The following XKR4 variants were observed in gnomAD, a reference collection of about 807,000 sequenced individuals.
XKR4 encodes XK-related protein 4.
Under a neutral mutation model 53.9 loss-of-function variants are expected in XKR4, and 12 were observed. The ratio of observed to expected loss-of-function variants is 0.22; its 90% CI spans 0.14 to 0.36. The LOEUF is 0.36. Among genes scored for constraint, XKR4 ranks in the 10% least tolerant of loss-of-function variants. The pLI is 1.00. For missense variants in XKR4, 799 were observed against 859.5 expected, an observed-to-expected ratio of 0.93 and a Z score of 0.88; for synonymous variants, 354 against 362.4, an observed-to-expected ratio of 0.98 and a Z score of 0.26.
intron 2 of XKR4, among the ~76,000 whole-genome samples, chr8:55,420,105 C>CT (rs35713155): frequency 0.021 from 3,229 of 151,308 alleles, 61 homozygotes; most frequent in Non-Finnish European, 0.035. Context: ...GTGGTTTGGG[C>CT]TTTTTTTTTA....
At chr8:55,317,850 G>A (rs1409968971) in intron 1 of XKR4, among the ~76,000 whole-genome samples, 2 of 152,216 alleles carry the variant, frequency 1.3e-5, no homozygotes, top group African/African-American at 4.8e-5. Flanking sequence ...AACATCAGGG[G>A]CTGAGACTCA....
At chr8:55,192,577 G>A (rs897418084) in intron 1 of XKR4, among the ~76,000 whole-genome samples, 3 of 152,158 alleles carry the variant, frequency 2.0e-5, no homozygotes, top group Non-Finnish European at 2.9e-5. Context: ...CAGGAGACTC[G>A]GGTTATTGAG....
chr8:55,459,150 A>G (rs188151626), intron 2 of XKR4, among the ~76,000 whole-genome samples: 51 of 152,366 alleles, frequency 3.3e-4, no homozygotes, highest in African/African-American at 1.2e-3. Flanking sequence ...GAGTTTTAAC[A>G]AAGAGGCCAA....
chr8:55,125,316 C>T (rs1391220426), intron 1 of XKR4, among the ~76,000 whole-genome samples: 3 of 107,512 alleles, frequency 2.8e-5, no homozygotes, highest in East Asian at 2.9e-4. Context: ...CCGCAAACTC[C>T]GCCTCCTGGG....
Position 55,540,118 on chromosome 8 carries a change from C to A in XKR4, c.*15891C>A, listed in dbSNP as rs141698691. The A allele has an allele frequency of 6.6e-6, 1 of 152,156 alleles. No homozygotes were observed. The highest frequency in any genetic ancestry group is 2.1e-4 in the South Asian group (1 of 4,832). 9.4% of individuals were successfully genotyped at this position (152,156 alleles called of 1,614,324 possible). ...CCAGACCACATGGAACTCTCCAGAG[C>A]CCTCCTTGAAAGTTTTTAGAAAAAC... is the stretch of plus-strand genomic sequence containing the variant. On this transcript the variant is annotated 3_prime_UTR_variant, in exon 3 of 3. Coordinates refer to ENST00000327381, the MANE Select transcript of XKR4 (RefSeq NM_052898.2).
chr8:55,122,182 C>T (rs1816401352), intron 1 of XKR4, among the ~76,000 whole-genome samples: 1 of 152,034 alleles, frequency 6.6e-6, no homozygotes, highest in Admixed American at 6.6e-5. Flanking sequence ...TAATTTTTGG[C>T]CTAAATTATA....
In XKR4 at chr8:55,526,508, A is replaced by G. The variant is rs1038334014; in HGVS notation, c.*2281A>G. On this transcript the variant is annotated 3_prime_UTR_variant, in exon 3 of 3. Coordinates refer to ENST00000327381, the MANE Select transcript of XKR4 (RefSeq NM_052898.2). ...AGGAAAAGGCTCTTCTTGTCAGCAC[A>G]TGGTGAAAACATTCCATCCCCACTG... is the stretch of plus-strand genomic sequence containing the variant. 5.3e-5 allele frequency: 8 copies of G among 152,238 alleles called. No individual in the cohort carries two copies. Among genetic ancestry groups the G allele is most frequent in the Non-Finnish European group, 1.2e-4 (8 of 68,038 alleles). The allele number at this position is 152,238 out of a possible 1,614,324, so 9.4% of individuals were successfully genotyped here.
rs545445036 is a variant in XKR4 at position 55,218,906 on chromosome 8, A to C, written c.806+115612A>C. Among the ~76,000 whole-genome samples, 4 of 152,262 alleles carry C rather than the reference A, an allele frequency of 2.6e-5. No homozygotes were observed. In the East Asian group the frequency reaches 7.7e-4, roughly 29 times the overall value. On this transcript the variant is annotated intron_variant, in intron 1 of 2. Coordinates refer to ENST00000327381, the MANE Select transcript of XKR4 (RefSeq NM_052898.2). ...GGAATTGTTCTCACATCTGAGACGC[A>C]CACAAGAGCAGGCATTTGAAACACC...
At chr8:55,408,476 G>A (rs1015858058) in intron 2 of XKR4, among the ~76,000 whole-genome samples, 2 of 152,214 alleles carry the variant, frequency 1.3e-5, no homozygotes, top group Non-Finnish European at 2.9e-5. Context: ...ACCGCAGCAG[G>A]ATGAGGAAGA....
intron 1 of XKR4, among the ~76,000 whole-genome samples, chr8:55,300,447 A>G (rs1819175490): frequency 6.6e-6 from 1 of 152,208 alleles, no homozygotes; most frequent in South Asian, 2.1e-4. Context: ...GACAGACAGG[A>G]GCTGAGGTGG....
intron 1 of XKR4, among the ~76,000 whole-genome samples, chr8:55,199,804 T>C (rs1303457390): frequency 6.6e-6 from 1 of 152,270 alleles, no homozygotes; most frequent in Non-Finnish European, 1.5e-5. Context: ...CCAAGGCTTA[T>C]TACGTGACAG....
At chr8:55,456,301 T>C (rs571687609) in intron 2 of XKR4, among the ~76,000 whole-genome samples, 1 of 152,196 alleles carries the variant, frequency 6.6e-6, no homozygotes, top group South Asian at 2.1e-4. Flanking sequence ...CTTGGTGGCA[T>C]GTGCTTGTCA....
At chr8:55,480,006 A>C (rs747062436) in intron 2 of XKR4, among the ~76,000 whole-genome samples, 2 of 147,692 alleles carry the variant, frequency 1.4e-5, no homozygotes, top group Non-Finnish European at 3.0e-5. Context: ...TTCTGAAACT[A>C]TTCCAATCAA....
At chr8:55,317,127 C>G (rs2129378957) in intron 1 of XKR4, among the ~76,000 whole-genome samples, 1 of 151,912 alleles carries the variant, frequency 6.6e-6, no homozygotes, top group African/African-American at 2.4e-5. Context: ...ACTTAACAGA[C>G]TAGGAAAAAA....
chr8:55,408,807 G>C (rs1233191291), intron 2 of XKR4, among the ~76,000 whole-genome samples: 1 of 152,104 alleles, frequency 6.6e-6, no homozygotes, highest in Non-Finnish European at 1.5e-5. Context: ...AGGAGTTCGA[G>C]ACAAGCCTGG....
At chr8:55,297,254 G>C (rs1011903289) in intron 1 of XKR4, among the ~76,000 whole-genome samples, 1 of 152,174 alleles carries the variant, frequency 6.6e-6, no homozygotes, top group African/African-American at 2.4e-5. Context: ...AGAAACGTGA[G>C]ATTTGATGAA....
intron 1 of XKR4, among the ~76,000 whole-genome samples, chr8:55,207,937 A>G (rs946115217): frequency 6.6e-5 from 10 of 152,246 alleles, no homozygotes; most frequent in African/African-American, 2.2e-4. Flanking sequence ...CATGTCATAA[A>G]TGTTTGGAGA....
At chr8:55,206,460 A>G (rs1053193611) in intron 1 of XKR4, among the ~76,000 whole-genome samples, 3 of 152,148 alleles carry the variant, frequency 2.0e-5, no homozygotes, top group Non-Finnish European at 1.5e-5. Flanking sequence ...GGCATATATT[A>G]ATAAAAATAA....
intron 2 of XKR4, among the ~76,000 whole-genome samples, chr8:55,411,223 T>C (rs1804773340): frequency 6.6e-6 from 1 of 152,188 alleles, no homozygotes; most frequent in African/African-American, 2.4e-5. Context: ...GAGCCCTGCC[T>C]GGACTCTTGG....
Sources: gnomAD v4.1 joint callset for allele counts (sites outside exome capture counted in the v4.1 genomes callset) on GRCh38, gnomAD v4.1.1 for gene constraint, MANE v1.5 for transcripts, NCBI Gene and HGNC (gene_info 2026-07-23, HGNC 2026-07-21) for gene names.